Variants in PLEKHA8 observed in about 807,000 individuals in gnomAD.
The protein encoded by PLEKHA8 is pleckstrin homology domain containing A8, also known as pleckstrin homology domain-containing family A member 8.
PLEKHA8 carries 36 observed loss-of-function variants against 68.2 expected under a neutral mutation model. The ratio of observed to expected loss-of-function variants is 0.53; its 90% CI spans 0.40 to 0.70. The LOEUF (loss-of-function observed/expected upper bound fraction) is 0.70. Among genes scored for constraint, PLEKHA8 ranks in the 30% least tolerant of loss-of-function variants. The pLI is 0.00. For missense variants in PLEKHA8, 505 were observed against 615.4 expected (o/e 0.82, Z 1.90); for synonymous variants, 211 against 216.1 (o/e 0.98, Z 0.20).
chr7:30,038,078 T>G (rs544518661), intron 1 of PLEKHA8, among the ~76,000 whole-genome samples: 19 of 152,230 alleles, frequency 1.2e-4, no homozygotes, highest in Admixed American at 9.2e-4. Flanking sequence ...CTGAAGGAAC[T>G]GTGGCGGACT....
In PLEKHA8 at chr7:30,047,924, G is replaced by A. The variant is rs774503339; in HGVS notation, c.406G>A (p.Glu136Lys). Reference sequence around the variant, plus strand: ...TGTTCAGCAAGTAGATAAAACAAAAGAAGTGACCACAACTGGTGTGTCCAA... The same window carrying A: ...TGTTCAGCAAGTAGATAAAACAAAAAAAGTGACCACAACTGGTGTGTCCAA... ...LLVQQVDKTK[E>K]VTTTGVSNSE... Residue 136 changes from glutamate to lysine, a missense_variant, in exon 4 of 14, where the codon GAA (glutamate) becomes AAA (lysine). Transcript: ENST00000449726. The A allele has an allele frequency of 6.2e-7, 1 of 1,600,616 alleles. No individual in the cohort carries two copies. The highest frequency in any genetic ancestry group is 1.1e-5 in the South Asian group (1 of 90,302).
chr7:30,093,540 C>A (rs543319943), downstream of PLEKHA8, among the ~76,000 whole-genome samples: 1 of 152,212 alleles, frequency 6.6e-6, no homozygotes, highest in African/African-American at 2.4e-5. Context: ...CACTGCCACA[C>A]CCTCACCATG....
chr7:30,121,581 A>G (rs944067620), intron 13 of PLEKHA8, among the ~76,000 whole-genome samples: 34 of 152,160 alleles, frequency 2.2e-4, no homozygotes, highest in Middle Eastern at 3.4e-3. Flanking sequence ...GTGAGCAGAG[A>G]TTGCGCCACT....
Position 30,082,568 on chromosome 7 carries a change from AT to A in PLEKHA8, c.*3784del. 1.0e-6 allele frequency: 1 copy of A among 985,346 alleles called. No individual in the cohort carries two copies. Among genetic ancestry groups the A allele is most frequent in the Non-Finnish European group, 1.2e-6 (1 of 829,878 alleles). 61.0% of individuals were successfully genotyped at this position (985,346 alleles called of 1,614,324 possible). A position where few individuals can be genotyped will look rare whatever the true frequency, so the allele number is the denominator to read the frequency against. ...TATTAGAGGAGTGCAGCGGAAAAAA[AT>A]TTGCACTCTTCTCCTTTTGGTTATT... is the stretch of plus-strand genomic sequence containing the variant. On this transcript the variant is annotated 3_prime_UTR_variant, in exon 14 of 14. Transcript: ENST00000449726.
intron 12 of PLEKHA8, among the ~76,000 whole-genome samples, chr7:30,064,749 T>C (rs1562525553): frequency 6.6e-6 from 1 of 152,202 alleles, no homozygotes; most frequent in East Asian, 1.9e-4. Context: ...CACTTCAAAC[T>C]AACTTATTAG....
At chr7:30,049,150 C>G in intron 4 of PLEKHA8, 74 bp from the exon 5 acceptor site, 1 of 1,572,948 alleles carries the variant, frequency 6.4e-7, no homozygotes, top group Non-Finnish European at 8.7e-7. Context: ...TGGGCAACCT[C>G]TAAGGACATT....
At position 30,082,223 on chromosome 7, in the gene PLEKHA8, G is replaced by A; in HGVS notation, c.*3436G>A. 1 of 985,400 alleles carries A rather than the reference G, an allele frequency of 1.0e-6. No homozygotes were observed. The highest frequency in any genetic ancestry group is 1.7e-5 in the African/African-American group (1 of 57,336). 61.0% of individuals were successfully genotyped at this position (985,400 alleles called of 1,614,324 possible). A position where few individuals can be genotyped will look rare whatever the true frequency, so the allele number is the denominator to read the frequency against. ...AACTTCCCCCAATGTCATATTCCAT[G>A]ATGAGGGATTTCTGAACTCCATAGT... is the stretch of plus-strand genomic sequence containing the variant. On this transcript the variant is annotated 3_prime_UTR_variant, in exon 14 of 14. Coordinates refer to ENST00000449726, the MANE Select transcript of PLEKHA8 (RefSeq NM_001197026.2).
chr7:30,062,925 C>T (rs1009350417), intron 12 of PLEKHA8, among the ~76,000 whole-genome samples, 183 bp downstream of exon 12: 1 of 152,148 alleles, frequency 6.6e-6, no homozygotes, highest in African/African-American at 2.4e-5. Context: ...AGACAATGAC[C>T]TGGTAATCTA....
chr7:30,064,731 A>T (rs910626656), intron 12 of PLEKHA8, among the ~76,000 whole-genome samples: 1 of 152,236 alleles, frequency 6.6e-6, no homozygotes, highest in Non-Finnish European at 1.5e-5. Context: ...GTGCCAAGCC[A>T]GAAACTTCAC....
At chr7:30,116,248 GTACACGTATACATGCA>G (rs1796550665) in intron 13 of PLEKHA8, among the ~76,000 whole-genome samples, 1 of 140,274 alleles carries the variant, frequency 7.1e-6, no homozygotes, top group African/African-American at 3.1e-5. Context: ...GCGTATACAT[GTACACGTATACATGCA>G]TACATGTATG....
In PLEKHA8 at chr7:30,090,066, A is replaced by G. The variant is rs1640986708; in HGVS notation, c.1301-87A>G. Reference sequence around the variant, plus strand: ...TGGTGACCAAAAATAAAAAGGAACTAAAAAAGTATCTGGAGATAAAATACA... The same window carrying G: ...TGGTGACCAAAAATAAAAAGGAACTGAAAAAGTATCTGGAGATAAAATACA... On this transcript the variant is annotated intron_variant, in intron 12 of 12. Transcript: ENST00000258679. The G allele has an allele frequency of 2.9e-6, 4 of 1,373,150 alleles. No homozygotes were observed. In the South Asian group the frequency reaches 5.6e-5, roughly 19 times the overall value. 85.1% of individuals were successfully genotyped at this position (1,373,150 alleles called of 1,614,324 possible).
chr7:30,064,284 G>A (rs1793661510), intron 12 of PLEKHA8, among the ~76,000 whole-genome samples: 1 of 152,230 alleles, frequency 6.6e-6, no homozygotes, highest in Non-Finnish European at 1.5e-5. Context: ...AGTGTGGCCG[G>A]GTGTGGTGGC....
At position 30,056,785 on chromosome 7, in the gene PLEKHA8, G is replaced by A. The variant is rs59329090; in HGVS notation, c.1039+1443G>A. Among the ~76,000 whole-genome samples the A allele has an allele frequency of 9.7e-3, 797 of 82,246 alleles. 9 individuals carry two copies. The highest frequency in any genetic ancestry group is 0.03 in the African/African-American group (641 of 21,388). The allele number at this position is 82,246 out of a possible 152,430, so 54.0% of individuals were successfully genotyped here. A position where few individuals can be genotyped will look rare whatever the true frequency, so the allele number is the denominator to read the frequency against. ...TGTGTGTGTGTGTGTGTGTGTGTGT[G>A]TATATATATATGTTATGTGTATATA... is the stretch of plus-strand genomic sequence containing the variant. On this transcript the variant is annotated intron_variant, in intron 9 of 13. Transcript: ENST00000449726.
chr7:30,130,285 G>A (rs890028332), downstream of PLEKHA8: 1 of 152,188 alleles, frequency 6.6e-6, no homozygotes, highest in Non-Finnish European at 1.5e-5. Flanking sequence ...TAAAGTCTGT[G>A]TTAGTCCCTT....
chr7:30,044,576 G>A (rs1791800141), intron 1 of PLEKHA8, among the ~76,000 whole-genome samples: 1 of 152,190 alleles, frequency 6.6e-6, no homozygotes. Context: ...TTCTAGACAG[G>A]CTTCTTAGTT....
intron 1 of PLEKHA8, among the ~76,000 whole-genome samples, chr7:30,040,666 A>T (rs970626393): frequency 1.9e-4 from 29 of 152,258 alleles, no homozygotes; most frequent in Admixed American, 1.6e-3. Context: ...TGGATTGCCA[A>T]AAATAAATGT....
At chr7:30,062,856 C>T in intron 12 of PLEKHA8, 114 bp downstream of exon 12, 4 of 754,180 alleles carry the variant, frequency 5.3e-6, no homozygotes, top group Non-Finnish European at 6.3e-6. Flanking sequence ...GATTTTGTTT[C>T]TTTTCTTATT....
chr7:30,102,323 A>G (rs1416568068), intron 13 of PLEKHA8, among the ~76,000 whole-genome samples: 1 of 152,236 alleles, frequency 6.6e-6, no homozygotes, highest in African/African-American at 2.4e-5. Flanking sequence ...TGTCTTGTCC[A>G]TTGCTGGAAA....
Position 30,081,474 on chromosome 7 carries a change from A to G in PLEKHA8, c.*2687A>G, listed in dbSNP as rs925604687. On this transcript the variant is annotated 3_prime_UTR_variant, in exon 14 of 14. Coordinates refer to ENST00000449726, the MANE Select transcript of PLEKHA8 (RefSeq NM_001197026.2). ...ATCTAAAGTATTTGCTCTCTGTTTT[A>G]GTTAAAGTCATAATTTGCGCTGATG... 1 of 985,104 alleles carries G rather than the reference A, an allele frequency of 1.0e-6. No individual in the cohort carries two copies. The highest frequency in any genetic ancestry group is 1.2e-6 in the Non-Finnish European group (1 of 829,638). The allele number at this position is 985,104 out of a possible 1,614,324, so 61.0% of individuals were successfully genotyped here. A position where few individuals can be genotyped will look rare whatever the true frequency, so the allele number is the denominator to read the frequency against.
Sources: allele counts gnomAD v4.1 joint callset (sites outside exome capture counted in the v4.1 genomes callset), GRCh38; gene constraint gnomAD v4.1.1; transcripts MANE v1.5; gene names NCBI Gene and HGNC (gene_info 2026-07-23, HGNC 2026-07-21).